The following MAP4 variants were observed in gnomAD, a reference collection of about 807,000 sequenced individuals.
MAP4 encodes the protein microtubule associated protein 4.
In MAP4, 76 loss-of-function variants were observed where a neutral mutation model predicts 170.2. The ratio of observed to expected loss-of-function variants is 0.45; its 90% confidence interval spans 0.37 to 0.54. The LOEUF (loss-of-function observed/expected upper bound fraction) is 0.54. Among genes scored for constraint, MAP4 ranks in the 20% least tolerant of loss-of-function variants. The pLI is 0.00. For missense variants in MAP4, 2,506 were observed against 2,748.0 expected, an observed-to-expected ratio of 0.91 and a Z score of 1.97; for synonymous variants, 909 against 994.5, an observed-to-expected ratio of 0.91 and a Z score of 1.62.
chr3:48,028,815 G>A (rs1394724379), intron 1 of MAP4, among the ~76,000 whole-genome samples: 1 of 149,150 alleles, frequency 6.7e-6, no homozygotes, highest in African/African-American at 2.5e-5. Context: ...AATTCCTTTA[G>A]AACATAATCA....
intron 9 of MAP4, among the ~76,000 whole-genome samples, chr3:47,904,950 G>A (rs1245203593): frequency 1.3e-5 from 2 of 152,158 alleles, no homozygotes; most frequent in Admixed American, 6.6e-5. Flanking sequence ...GACTACAGGT[G>A]TGAGCCACTG....
At chr3:47,892,296 C>T (rs771227452) in intron 10 of MAP4, 3 of 1,536,290 alleles carry the variant, frequency 2.0e-6, no homozygotes, top group Non-Finnish European at 1.7e-6. Flanking sequence ...GCATTCTTCA[C>T]AAGCCCATCT....
rs181409282 is a variant in MAP4, at chr3:47,942,937, C to T, written c.293-14587G>A. Among the ~76,000 whole-genome samples the T allele has an allele frequency of 3.7e-3, 560 of 152,096 alleles. 2 individuals carry two copies. Among genetic ancestry groups the T allele is most frequent in the African/African-American group, 9.6e-3 (397 of 41,480 alleles). On this transcript the variant is annotated intron_variant, in intron 3 of 20. Coordinates refer to ENST00000683076, the MANE Select transcript of MAP4 (RefSeq NM_001385682.1). ...CCAGCTTGGGCAATGTAGCAAGACC[C>T]CAACCTCTACAAAAAAAATTTAAAA...
chr3:48,042,815 G>T (rs946872225), intron 1 of MAP4, among the ~76,000 whole-genome samples: 6 of 152,184 alleles, frequency 3.9e-5, no homozygotes, highest in African/African-American at 1.4e-4. Context: ...ATATTATTCA[G>T]CCATAAAAGG....
chr3:47,911,799 C>T lies in MAP4; in HGVS notation c.2622G>A (p.Lys874=). 1 of 1,536,124 alleles carries T rather than the reference C, an allele frequency of 6.5e-7. No individual in the cohort carries two copies. Residue 874 remains lysine (K), a synonymous_variant, in exon 9 of 21, where the codon AAG becomes AAA. Transcript: ENST00000683076. This position sits in a 1 kb window ranked among gnomAD's most constrained non-coding sequence, Gnocchi z 4.0. ...TTTTGCTCTCTTCCTCTACTCTCAG[C>T]TTAGACTGAGAACTTATTGCAGTTT... is the stretch of plus-strand genomic sequence containing the variant. The part of the protein sequence containing the change: ...APKTAISSQS[K]LRVEEESKSN...
intron 3 of MAP4, among the ~76,000 whole-genome samples, chr3:47,942,386 CTATT>C (rs965640429): frequency 2.6e-5 from 4 of 151,584 alleles, no homozygotes; most frequent in Non-Finnish European, 5.9e-5. Context: ...ACTTTTTTTT[CTATT>C]TATTTTTAGA....
intron 1 of MAP4, among the ~76,000 whole-genome samples, chr3:48,057,931 T>TA (rs767314954): frequency 6.6e-6 from 1 of 152,092 alleles, no homozygotes; most frequent in Non-Finnish European, 1.5e-5. Context: ...AAAACTAAAT[T>TA]AAAAAACACA....
chr3:47,937,715 G>A (rs1315989907), intron 3 of MAP4, among the ~76,000 whole-genome samples: 6 of 143,886 alleles, frequency 4.2e-5, no homozygotes, highest in Admixed American at 2.1e-4. Context: ...AGGCTGGAGC[G>A]CGATAGCACA....
At chr3:48,014,966 G>A (rs78664417) in intron 1 of MAP4, among the ~76,000 whole-genome samples, 1,739 of 152,226 alleles carry the variant, frequency 0.011, 37 homozygotes, top group African/African-American at 0.04. Context: ...GGAACTTTCA[G>A]GGAATAAAGC....
intron 10 of MAP4, 54 bp downstream of exon 10, chr3:47,902,896 T>C: frequency 1.2e-6 from 1 of 843,400 alleles, no homozygotes. Flanking sequence ...TTGAAACTGT[T>C]AGAATTCTGG....
At chr3:47,977,046 G>C (rs950582476) in intron 3 of MAP4, among the ~76,000 whole-genome samples, 3 of 152,146 alleles carry the variant, frequency 2.0e-5, no homozygotes, top group Non-Finnish European at 4.4e-5. Flanking sequence ...GCAATAATAT[G>C]AATCAAATGT....
chr3:48,063,228 C>T (rs1244477705), intron 1 of MAP4, among the ~76,000 whole-genome samples: 1 of 150,986 alleles, frequency 6.6e-6, no homozygotes, highest in Non-Finnish European at 1.5e-5. Flanking sequence ...CAAGTGCTGA[C>T]AAGGATGTCA....
chr3:47,877,693 G>A (rs2095800785), intron 10 of MAP4, 170 bp from the exon 11 acceptor site: 3 of 515,652 alleles, frequency 5.8e-6, no homozygotes, highest in Middle Eastern at 5.2e-4. Flanking sequence ...TCATTGTGAT[G>A]GAGGACAGTT....
chr3:48,044,876 G>C (rs1353861069), intron 1 of MAP4, among the ~76,000 whole-genome samples: 1 of 151,592 alleles, frequency 6.6e-6, no homozygotes, highest in African/African-American at 2.4e-5. Context: ...TTGAATCCAG[G>C]AGGTAGAGGT....
chr3:48,059,786 C>G (rs920584559), intron 1 of MAP4, among the ~76,000 whole-genome samples: 2 of 152,010 alleles, frequency 1.3e-5, no homozygotes, highest in African/African-American at 4.8e-5. Flanking sequence ...CGAGACCACC[C>G]TGGGGGCAAC....
At chr3:48,013,898 AAC>A (rs1489947310) in intron 1 of MAP4, among the ~76,000 whole-genome samples, 1 of 152,138 alleles carries the variant, frequency 6.6e-6, no homozygotes, top group Non-Finnish European at 1.5e-5. Flanking sequence ...GCACTAAGGG[AAC>A]ACACAGTTTT....
At chr3:47,875,098 G>A (rs1233884751) in intron 12 of MAP4, among the ~76,000 whole-genome samples, 4 of 152,278 alleles carry the variant, frequency 2.6e-5, no homozygotes, top group Non-Finnish European at 4.4e-5. Flanking sequence ...AGCTCAGTGA[G>A]AGGTGGCCTA....
At chr3:48,072,291 T>C (rs2100141405) in intron 1 of MAP4, among the ~76,000 whole-genome samples, 1 of 152,050 alleles carries the variant, frequency 6.6e-6, no homozygotes, top group Non-Finnish European at 1.5e-5. Flanking sequence ...GCGGATCACT[T>C]GAGGTCAGGC....
At chr3:47,862,267 T>G (rs1248829415) in intron 17 of MAP4, among the ~76,000 whole-genome samples, 2 of 142,414 alleles carry the variant, frequency 1.4e-5, no homozygotes, top group Non-Finnish European at 3.0e-5. Context: ...TAACTTGAAA[T>G]GTTAAAGCTA....
Sources: gnomAD v4.1 joint callset for allele counts (sites outside exome capture counted in the v4.1 genomes callset) on GRCh38, gnomAD v4.1.1 for gene constraint, Gnocchi (gnomAD v3.1) non-coding constraint, MANE v1.5 for transcripts, NCBI Gene and HGNC (gene_info 2026-07-23, HGNC 2026-07-21) for gene names.